Variants in GPC5 observed in about 807,000 individuals in gnomAD.
GPC5 encodes the protein glypican-5.
In GPC5, 47 loss-of-function variants were observed where a neutral mutation model predicts 53.9. The observed-to-expected ratio is 0.87, with a 90% confidence interval of 0.69 to 1.11. GPC5 has a LOEUF of 1.11. Ranked by LOEUF, GPC5 falls within the 50% of genes most tolerant of loss-of-function variation. The probability of loss-of-function intolerance (pLI) is 0.00; values close to 1 mark genes in which losing one functional copy is unlikely to be tolerated. For synonymous variants in GPC5, 286 were observed against 263.3 expected (o/e 1.09, Z -0.84); for missense variants, 748 against 713.1 (o/e 1.05, Z -0.56).
chr13:92,423,274 T>C (rs1876665515), intron 7 of GPC5, among the ~76,000 whole-genome samples: 1 of 152,224 alleles, frequency 6.6e-6, no homozygotes, highest in Non-Finnish European at 1.5e-5. Context: ...ATTCAGTCCA[T>C]TGCAACACTT....
At chr13:92,304,833 T>C (rs1408315992) in intron 7 of GPC5, among the ~76,000 whole-genome samples, 1 of 152,222 alleles carries the variant, frequency 6.6e-6, no homozygotes, top group Non-Finnish European at 1.5e-5. Flanking sequence ...ACTGATATTA[T>C]GTTGAAATAA....
At position 91,774,420 on chromosome 13, in the gene GPC5, A is replaced by T. The variant is rs573497594; in HGVS notation, c.1280+18000A>T. Among the ~76,000 whole-genome samples the T allele has an allele frequency of 1.2e-3, 179 of 152,306 alleles. 1 individual carries two copies. The highest frequency in any genetic ancestry group is 2.1e-3 in the Non-Finnish European group (145 of 68,024). ...ACTGTGTGTGAGGCTCTGGGCTACC[A>T]CATTAAAAATACATAGCAGTAATTT... On this transcript the variant is annotated intron_variant, in intron 5 of 7. Coordinates refer to ENST00000377067, the MANE Select transcript of GPC5 (RefSeq NM_004466.6).
intron 6 of GPC5, among the ~76,000 whole-genome samples, chr13:91,955,234 T>C (rs2040062351): frequency 6.6e-6 from 1 of 152,192 alleles, no homozygotes; most frequent in Non-Finnish European, 1.5e-5. Context: ...GCAAGCAGAT[T>C]CTAAATCAAT....
intron 7 of GPC5, among the ~76,000 whole-genome samples, chr13:92,477,050 AAAATAAAT>A (rs139711160): frequency 0.31 from 46,372 of 149,364 alleles, 7,655 homozygotes; most frequent in Middle Eastern, 0.49. Context: ...ATAATAATAA[AAAATAAAT>A]AAATAAATAA....
intron 7 of GPC5, among the ~76,000 whole-genome samples, chr13:92,825,631 G>A (rs1877821254): frequency 6.6e-6 from 1 of 152,068 alleles, no homozygotes; most frequent in Non-Finnish European, 1.5e-5. Context: ...ATACTGAACA[G>A]AGTACAAAAG....
At chr13:91,876,573 A>G (rs1033385239) in intron 5 of GPC5, among the ~76,000 whole-genome samples, 5 of 152,200 alleles carry the variant, frequency 3.3e-5, no homozygotes, top group African/African-American at 9.6e-5. Context: ...GATTTAGGGT[A>G]TCTGGTGGAA....
At chr13:91,539,876 A>G (rs554954078) in intron 2 of GPC5, among the ~76,000 whole-genome samples, 2 of 152,284 alleles carry the variant, frequency 1.3e-5, no homozygotes, top group East Asian at 3.9e-4. Flanking sequence ...AATAGGAAAA[A>G]AAAAACCTGA....
intron 2 of GPC5, among the ~76,000 whole-genome samples, chr13:91,672,691 A>G (rs991274914): frequency 6.6e-6 from 1 of 152,232 alleles, no homozygotes; most frequent in Non-Finnish European, 1.5e-5. Flanking sequence ...TCAAGGATCT[A>G]AAACCAGAAA....
At chr13:92,125,477 C>A (rs948192200) in intron 6 of GPC5, among the ~76,000 whole-genome samples, 5 of 151,544 alleles carry the variant, frequency 3.3e-5, no homozygotes, top group African/African-American at 1.2e-4. Context: ...GTTGAAGCAA[C>A]GTGAATGATG....
At chr13:92,529,406 G>A (rs771630024) in intron 7 of GPC5, among the ~76,000 whole-genome samples, 2 of 151,972 alleles carry the variant, frequency 1.3e-5, no homozygotes, top group Non-Finnish European at 2.9e-5. Context: ...AAGATATTAT[G>A]GAATATTATT....
intron 7 of GPC5, among the ~76,000 whole-genome samples, chr13:92,781,521 A>T (rs1443786096): frequency 6.6e-6 from 1 of 152,138 alleles, no homozygotes; most frequent in Non-Finnish European, 1.5e-5. Flanking sequence ...TCTCTAGATA[A>T]TATGGGGGAG....
intron 7 of GPC5, among the ~76,000 whole-genome samples, chr13:92,663,872 A>AC (rs1283086946): frequency 1.9e-4 from 3 of 16,044 alleles, no homozygotes; most frequent in Non-Finnish European, 3.3e-4. Context: ...ATATATATAT[A>AC]TATATATATA....
At chr13:92,379,798 A>T (rs1443270871) in intron 7 of GPC5, among the ~76,000 whole-genome samples, 1 of 152,048 alleles carries the variant, frequency 6.6e-6, no homozygotes. Context: ...TGCCTCTCTC[A>T]CTTACACATG....
intron 7 of GPC5, among the ~76,000 whole-genome samples, chr13:92,588,854 G>C (rs1011523555): frequency 6.6e-6 from 1 of 152,112 alleles, no homozygotes; most frequent in African/African-American, 2.4e-5. Flanking sequence ...ATACTGCTTT[G>C]ATCTGTAAAG....
chr13:91,820,144 G>T (rs1466409900), intron 5 of GPC5, among the ~76,000 whole-genome samples: 1 of 151,762 alleles, frequency 6.6e-6, no homozygotes, highest in East Asian at 1.9e-4. Context: ...TCCCTATTTA[G>T]TTATTTTTTA....
At chr13:92,840,100 T>TAC (rs1227406805) in intron 7 of GPC5, among the ~76,000 whole-genome samples, 17 of 82,792 alleles carry the variant, frequency 2.1e-4, no homozygotes, top group African/African-American at 4.7e-4. Flanking sequence ...TATATATATA[T>TAC]ATATATATAT....
chr13:92,438,794 G>A (rs1043931383), intron 7 of GPC5, among the ~76,000 whole-genome samples: 1 of 152,020 alleles, frequency 6.6e-6, no homozygotes, highest in Non-Finnish European at 1.5e-5. Context: ...GTATAGGTGT[G>A]AAGGAGGAAA....
chr13:92,603,696 A>G (rs1171135671), intron 7 of GPC5, among the ~76,000 whole-genome samples: 1 of 152,208 alleles, frequency 6.6e-6, no homozygotes, highest in African/African-American at 2.4e-5. Flanking sequence ...AAAGAAGAGT[A>G]TATGTCTCTC....
rs924570080 is a variant in GPC5, at chr13:92,867,021, T to C, written c.*582T>C. ...TTCATATAATTTCACTGAAGAACCT[T>C]GATAATTTTGACCCACTGTAACTTA... is the stretch of plus-strand genomic sequence containing the variant. On this transcript the variant is annotated 3_prime_UTR_variant, in exon 8 of 8. Coordinates refer to ENST00000377067, the MANE Select transcript of GPC5 (RefSeq NM_004466.6). 9.2e-5 allele frequency: 14 copies of C among 152,098 alleles called. No homozygotes were observed. Among genetic ancestry groups the C allele is most frequent in the African/African-American group, 3.1e-4 (13 of 41,434 alleles). The allele number at this position is 152,098 out of a possible 1,614,324, so 9.4% of individuals were successfully genotyped here.
Sources: allele counts gnomAD v4.1 joint callset (sites outside exome capture counted in the v4.1 genomes callset), GRCh38; gene constraint gnomAD v4.1.1; transcripts MANE v1.5; gene names NCBI Gene and HGNC (gene_info 2026-07-23, HGNC 2026-07-21).